FAT3: variants seen among roughly 807,000 people sequenced by gnomAD.
FAT3 encodes FAT atypical cadherin 3.
Under a neutral mutation model 310.2 loss-of-function variants are expected in FAT3, and 95 were observed. That is an observed-to-expected ratio of 0.31 (90% CI 0.26 to 0.36). FAT3 has a LOEUF of 0.36. Ranked by LOEUF, FAT3 falls within the 10% of genes least tolerant of loss-of-function variation. FAT3 has a pLI of 1.00. For synonymous variants in FAT3, 2,314 were observed against 2,192.9 expected (o/e 1.06, Z -1.54); for missense variants, 5,408 against 5,715.6 (o/e 0.95, Z 1.74).
intron 3 of FAT3, among the ~76,000 whole-genome samples, chr11:92,666,688 G>A (rs768985746): frequency 3.3e-5 from 5 of 152,086 alleles, no homozygotes; most frequent in Non-Finnish European, 7.3e-5. Flanking sequence ...ACATTCTTAA[G>A]GGGTAGGTTT....
intron 3 of FAT3, among the ~76,000 whole-genome samples, chr11:92,685,133 C>G (rs1316782924): frequency 6.6e-6 from 1 of 152,068 alleles, no homozygotes; most frequent in Non-Finnish European, 1.5e-5. Flanking sequence ...TGGGCTGAGC[C>G]CTCTCTGATA....
intron 3 of FAT3, among the ~76,000 whole-genome samples, chr11:92,533,620 A>G (rs2135390742): frequency 6.6e-6 from 1 of 152,334 alleles, no homozygotes; most frequent in Non-Finnish European, 1.5e-5. Flanking sequence ...ATCAGCAGTC[A>G]TGAACTAAAT....
chr11:92,651,494 G>C (rs1412274905), intron 3 of FAT3, among the ~76,000 whole-genome samples: 2 of 152,160 alleles, frequency 1.3e-5, no homozygotes, highest in Non-Finnish European at 2.9e-5. Flanking sequence ...AATCCCTTCT[G>C]GAACTATGTG....
intron 2 of FAT3, among the ~76,000 whole-genome samples, chr11:92,521,560 T>C (rs961373435): frequency 3.3e-5 from 5 of 152,148 alleles, no homozygotes; most frequent in Non-Finnish European, 7.3e-5. Context: ...GTACATTTAA[T>C]GATTACCACA....
intron 1 of FAT3, among the ~76,000 whole-genome samples, chr11:92,262,189 G>C (rs548060764): frequency 6.6e-6 from 1 of 152,022 alleles, no homozygotes; most frequent in Non-Finnish European, 1.5e-5. Flanking sequence ...AAATTCTATT[G>C]ACTAAATCAG....
At chr11:92,830,410 G>A (rs964592665) in intron 13 of FAT3, among the ~76,000 whole-genome samples, 13 of 152,148 alleles carry the variant, frequency 8.5e-5, no homozygotes, top group Middle Eastern at 3.2e-3. Context: ...TCTTGAAATC[G>A]TAGAGCAGGA....
At position 92,353,759 on chromosome 11, in the gene FAT3, C is replaced by T. The variant is rs757698325; in HGVS notation, c.1647C>T (p.Ala549=). 7 of 1,613,632 alleles carry T rather than the reference C, an allele frequency of 4.3e-6. No individual in the cohort carries two copies. The highest frequency in any genetic ancestry group is 2.7e-5 in the African/African-American group (2 of 74,908). The part of the protein sequence containing the change: ...SPEIYRFIVR[A]SDWGSPYRHE... ...AAATTTACAGATTCATTGTTAGAGC[C>T]TCTGACTGGGGTTCACCATACCGCC... is the stretch of plus-strand genomic sequence containing the variant. The change falls in exon 2 of 28, where the codon GCC becomes GCT. Residue 549 remains alanine, a synonymous_variant. Transcript: ENST00000525166.
chr11:92,857,296 C>T lies in FAT3; in HGVS notation c.11448C>T (p.Ser3816=). 6.2e-7 allele frequency: 1 copy of T among 1,613,966 alleles called. No homozygotes were observed. The highest frequency in any genetic ancestry group is 8.5e-7 in the Non-Finnish European group (1 of 1,179,890). Residue 3816 remains serine (S), a synonymous_variant, in exon 20 of 28, where the codon AGC becomes AGT. Coordinates refer to ENST00000525166, the MANE Select transcript of FAT3 (RefSeq NM_001367949.2). ...TGCAGTGTGTCAGTTATGAAGCCAG[C>T]AGGAGACCGTTCCTCTGCCAGTGTC... ...GDMQCVSYEA[S]RRPFLCQCPP... is the part of the protein sequence containing the mutation.
At chr11:92,442,101 ATATATATATATT>A (rs1481496855) in intron 2 of FAT3, among the ~76,000 whole-genome samples, 53 of 14,328 alleles carry the variant, frequency 3.7e-3, no homozygotes, top group Non-Finnish European at 7.0e-3. Flanking sequence ...ATATATATAT[ATATATATATATT>A]TTTTTTTTTT....
At chr11:92,779,460 A>T (rs1447169907) in intron 7 of FAT3, among the ~76,000 whole-genome samples, 3 of 152,172 alleles carry the variant, frequency 2.0e-5, no homozygotes, top group African/African-American at 7.2e-5. Context: ...CACTGATCAA[A>T]GATGGGATAA....
At chr11:92,323,340 C>G (rs1285575388) in intron 1 of FAT3, among the ~76,000 whole-genome samples, 1 of 151,990 alleles carries the variant, frequency 6.6e-6, no homozygotes. Context: ...CCTCCGCCTC[C>G]TAGGTTCAAG....
intron 2 of FAT3, among the ~76,000 whole-genome samples, chr11:92,384,302 C>T (rs1949569259): frequency 6.6e-6 from 1 of 152,166 alleles, no homozygotes; most frequent in Non-Finnish European, 1.5e-5. Flanking sequence ...ATAAGTGTGT[C>T]TGTTCTTCTT....
intron 4 of FAT3, among the ~76,000 whole-genome samples, chr11:92,705,314 G>T (rs1278214613): frequency 6.6e-6 from 1 of 151,606 alleles, no homozygotes; most frequent in Non-Finnish European, 1.5e-5. Flanking sequence ...GTGTGATGAT[G>T]GTGGTGATGG....
chr11:92,367,181 C>A, intron 2 of FAT3: 1 of 339,558 alleles, frequency 2.9e-6, no homozygotes, highest in Non-Finnish European at 5.9e-6. Flanking sequence ...TTGTACCACC[C>A]ACTGAAGCAG....
intron 2 of FAT3, among the ~76,000 whole-genome samples, chr11:92,506,737 C>A (rs1953112256): frequency 6.6e-6 from 1 of 152,106 alleles, no homozygotes. Context: ...CATGATTTTT[C>A]TTCCCCGGCT....
Position 92,352,146 on chromosome 11 carries a change from C to T in FAT3, c.34C>T (p.Arg12Trp), listed in dbSNP as rs757467000. The change falls in exon 2 of 28, where the codon CGG becomes TGG. Residue 12 changes from arginine (R) to tryptophan (W), a missense_variant. Physicochemically the swap from Arg to Trp is moderately radical, Grantham distance 101. Coordinates refer to ENST00000525166, the MANE Select transcript of FAT3 (RefSeq NM_001367949.2). ...DIIMGHCVGT[R>W]PPACCLILLL... Reference sequence around the variant, plus strand: ...AATTATGGGACACTGTGTGGGCACACGGCCTCCTGCTTGTTGCCTCATCCT... The same window carrying T: ...AATTATGGGACACTGTGTGGGCACATGGCCTCCTGCTTGTTGCCTCATCCT... 1.8e-5 allele frequency: 24 copies of T among 1,365,308 alleles called. No homozygotes were observed. Among genetic ancestry groups the T allele is most frequent in the East Asian group, 4.5e-5 (1 of 21,988 alleles). The allele number at this position is 1,365,308 out of a possible 1,614,324, so 84.6% of individuals were successfully genotyped here. A position where few individuals can be genotyped will look rare whatever the true frequency, so the allele number is the denominator to read the frequency against.
At chr11:92,537,165 G>C (rs941732447) in intron 3 of FAT3, among the ~76,000 whole-genome samples, 1 of 152,104 alleles carries the variant, frequency 6.6e-6, no homozygotes, top group Admixed American at 6.6e-5. Context: ...AGCGGGAGCT[G>C]GTTTTGCGAA....
intron 4 of FAT3, among the ~76,000 whole-genome samples, chr11:92,740,071 T>C (rs940694343): frequency 3.3e-5 from 5 of 152,184 alleles, no homozygotes; most frequent in African/African-American, 1.2e-4. Flanking sequence ...GACTCCGGCC[T>C]GAATTAATTT....
intron 3 of FAT3, among the ~76,000 whole-genome samples, chr11:92,543,730 C>T (rs988007158): frequency 1.3e-5 from 2 of 152,166 alleles, no homozygotes; most frequent in Admixed American, 6.5e-5. Flanking sequence ...CACTCTCCGA[C>T]CTTTAATGAG....
Sources: gnomAD v4.1 joint callset for allele counts (sites outside exome capture counted in the v4.1 genomes callset) on GRCh38, gnomAD v4.1.1 for gene constraint, MANE v1.5 for transcripts, NCBI Gene and HGNC (gene_info 2026-07-23, HGNC 2026-07-21) for gene names.